ULK4: variants seen among roughly 807,000 people sequenced by gnomAD.
ULK4 encodes the protein inactive serine/threonine-protein kinase ULK4.
Under a neutral mutation model 160.6 loss-of-function variants are expected in ULK4, and 133 were observed. The observed-to-expected ratio is 0.83, with a 90% CI of 0.72 to 0.96. The LOEUF is 0.96. Among genes scored for constraint, ULK4 ranks in the 40% least tolerant of loss-of-function variants. The probability of loss-of-function intolerance (pLI) is 0.00; values close to 1 mark genes in which losing one functional copy is unlikely to be tolerated. For synonymous variants in ULK4, 534 were observed against 539.8 expected (o/e 0.99, Z 0.15); for missense variants, 1,580 against 1,499.5 (o/e 1.05, Z -0.89).
At chr3:41,925,236 G>A (rs987695841) in intron 5 of ULK4, among the ~76,000 whole-genome samples, 2 of 152,208 alleles carry the variant, frequency 1.3e-5, no homozygotes, top group Non-Finnish European at 2.9e-5. Context: ...TGGACAGCGG[G>A]TGCAGCCCAC....
At position 41,514,071 on chromosome 3, in the gene ULK4, T is replaced by C. The variant is rs111249371; in HGVS notation, c.3227-50818A>G. Among the ~76,000 whole-genome samples the C allele has an allele frequency of 2.4e-3, 363 of 152,312 alleles. 4 individuals carry two copies. The highest frequency in any genetic ancestry group is 8.4e-3 in the African/African-American group (349 of 41,572). ...GAAAATTTTTCTTGCATTTTAACTGTAAATTTATCCTGAACTAGATACCTA... is the reference window on the plus strand; with the variant it reads ...GAAAATTTTTCTTGCATTTTAACTGCAAATTTATCCTGAACTAGATACCTA... On this transcript the variant is annotated intron_variant, in intron 32 of 36. Coordinates refer to ENST00000301831, the MANE Select transcript of ULK4 (RefSeq NM_017886.4).
chr3:41,805,533 G>T (rs1446004263), intron 19 of ULK4, among the ~76,000 whole-genome samples: 1 of 151,440 alleles, frequency 6.6e-6, no homozygotes, highest in African/African-American at 2.4e-5. Context: ...GAATAGGAGT[G>T]GTGAGAGAGG....
intron 17 of ULK4, chr3:41,854,853 A>G (rs2042296600): frequency 6.6e-6 from 1 of 151,730 alleles, no homozygotes; most frequent in Admixed American, 6.6e-5. Context: ...ACCACAGTCC[A>G]ATACTCAAGA....
At chr3:41,411,571 G>C (rs190035541) in intron 34 of ULK4, among the ~76,000 whole-genome samples, 5 of 151,776 alleles carry the variant, frequency 3.3e-5, no homozygotes, top group African/African-American at 1.2e-4. Context: ...GGGACTACAG[G>C]GATTACAGGT....
chr3:41,894,031 T>A (rs1440903900), intron 16 of ULK4, among the ~76,000 whole-genome samples: 1 of 152,130 alleles, frequency 6.6e-6, no homozygotes, highest in Non-Finnish European at 1.5e-5. Flanking sequence ...TAAAACTGTT[T>A]TACAATCAAA....
chr3:41,773,906 G>A (rs1264924709), intron 21 of ULK4, among the ~76,000 whole-genome samples: 4 of 152,152 alleles, frequency 2.6e-5, no homozygotes, highest in Admixed American at 6.5e-5. Context: ...AGAGCCCTCA[G>A]AAATAATGCC....
chr3:41,881,842 C>T (rs1468286710), intron 17 of ULK4, among the ~76,000 whole-genome samples: 1 of 152,200 alleles, frequency 6.6e-6, no homozygotes, highest in Non-Finnish European at 1.5e-5. Flanking sequence ...GTTGAGGCAG[C>T]ACCAGGAATA....
At chr3:41,469,262 T>C (rs1371962574) in intron 32 of ULK4, among the ~76,000 whole-genome samples, 1 of 152,142 alleles carries the variant, frequency 6.6e-6, no homozygotes, top group African/African-American at 2.4e-5. Context: ...CAACTGTGAA[T>C]TTCTAATGAA....
chr3:41,333,436 G>C lies in ULK4; in HGVS notation c.3678+64643C>G, dbSNP rs1403747426. ...GAGAAGTTGGATACAAATCAGATTT[G>C]GGGGATCTCTACTGGGCACTGGCTT... On this transcript the variant is annotated intron_variant, in intron 35 of 36. Coordinates refer to ENST00000301831, the MANE Select transcript of ULK4 (RefSeq NM_017886.4). Among the ~76,000 whole-genome samples, 11 of 146,392 alleles carry C rather than the reference G, an allele frequency of 7.5e-5. No individual in the cohort carries two copies. In the South Asian group the frequency reaches 2.3e-3, roughly 31 times the overall value.
chr3:41,349,609 A>G (rs986294369), intron 35 of ULK4, among the ~76,000 whole-genome samples: 5 of 152,182 alleles, frequency 3.3e-5, no homozygotes, highest in Non-Finnish European at 7.3e-5. Flanking sequence ...TCATAATAAA[A>G]AACAGTTTCT....
intron 32 of ULK4, among the ~76,000 whole-genome samples, chr3:41,490,987 T>C (rs186105586): frequency 8.4e-4 from 128 of 152,170 alleles, no homozygotes; most frequent in Non-Finnish European, 1.3e-3. Context: ...ACAGAATTTG[T>C]TGCAAAAAGA....
chr3:41,779,986 A>AT (rs2039771568), intron 21 of ULK4, among the ~76,000 whole-genome samples: 1 of 54,128 alleles, frequency 1.8e-5, no homozygotes, highest in Non-Finnish European at 3.0e-5. Flanking sequence ...AGAGTATAAT[A>AT]AAAAAAAAAA....
chr3:41,287,526 C>T (rs2079484167), intron 35 of ULK4, among the ~76,000 whole-genome samples: 1 of 152,188 alleles, frequency 6.6e-6, no homozygotes, highest in Non-Finnish European at 1.5e-5. Flanking sequence ...ATAGGGCCCC[C>T]ATGGGATGAA....
chr3:41,617,526 G>A (rs1054542736), intron 30 of ULK4, among the ~76,000 whole-genome samples: 1 of 152,186 alleles, frequency 6.6e-6, no homozygotes, highest in Non-Finnish European at 1.5e-5. Flanking sequence ...TGCAGAAGAG[G>A]GGCCTGACTG....
Position 41,822,591 on chromosome 3 carries a change from G to A in ULK4, c.1765-3085C>T, listed in dbSNP as rs533573661. Among the ~76,000 whole-genome samples, 13 of 139,000 alleles carry A rather than the reference G, an allele frequency of 9.4e-5. No homozygotes were observed. The South Asian group carries it at 2.8e-3, about 30-fold the overall frequency. The allele number at this position is 139,000 out of a possible 152,430, so 91.2% of individuals were successfully genotyped here. A position where few individuals can be genotyped will look rare whatever the true frequency, so the allele number is the denominator to read the frequency against. On this transcript the variant is annotated intron_variant, in intron 18 of 36. Coordinates refer to ENST00000301831, the MANE Select transcript of ULK4 (RefSeq NM_017886.4). ...AGCCACCACACCCGGCTAATTTTTT[G>A]TAGTTTTAGTAGAGACAGCATTTCG...
chr3:41,628,116 G>A (rs142481125), intron 30 of ULK4, among the ~76,000 whole-genome samples: 2,040 of 152,312 alleles, frequency 0.013, 19 homozygotes, highest in Middle Eastern at 0.02. Flanking sequence ...TGGAAGAAGT[G>A]TAGTCTAGAA....
intron 35 of ULK4, among the ~76,000 whole-genome samples, chr3:41,317,289 ATCGTC>A (rs2080163828): frequency 6.6e-6 from 1 of 151,896 alleles, no homozygotes; most frequent in South Asian, 2.1e-4. Context: ...GTTAGCCAGG[ATCGTC>A]TCGATCTCCT....
At chr3:41,250,985 C>A (rs561774914) in intron 35 of ULK4, 1 of 152,226 alleles carries the variant, frequency 6.6e-6, no homozygotes, top group Non-Finnish European at 1.5e-5. Flanking sequence ...TTTCTCAGAA[C>A]TGCCTCAAAC....
At chr3:41,520,315 G>A (rs1458482696) in intron 32 of ULK4, among the ~76,000 whole-genome samples, 1 of 150,146 alleles carries the variant, frequency 6.7e-6, no homozygotes, top group Middle Eastern at 3.2e-3. Context: ...AACAATATTT[G>A]TTCTTCTGTG....
Sources: allele counts gnomAD v4.1 joint callset (sites outside exome capture counted in the v4.1 genomes callset), GRCh38; gene constraint gnomAD v4.1.1; transcripts MANE v1.5; gene names NCBI Gene and HGNC (gene_info 2026-07-23, HGNC 2026-07-21).